The following CYFIP1 variants were observed in gnomAD, a reference collection of about 807,000 sequenced individuals.
The protein encoded by CYFIP1 is cytoplasmic FMR1-interacting protein 1.
A neutral mutation model predicts 163.5 loss-of-function variants in CYFIP1; 58 were observed. The observed-to-expected ratio is 0.35, with a 90% confidence interval of 0.29 to 0.44. The LOEUF (loss-of-function observed/expected upper bound fraction) is 0.44. Ranked by LOEUF, CYFIP1 falls within the 20% of genes least tolerant of loss-of-function variation. The pLI is 1.00. For missense variants in CYFIP1, 1,338 were observed against 1,653.8 expected (o/e 0.81, Z 3.31); for synonymous variants, 663 against 660.7 (o/e 1.00, Z -0.05).
rs1159299086 is a variant in CYFIP1, at chr15:22,917,861, C to T, written c.1601G>A (p.Arg534Gln). ...GCCGCTCTTGGGGTCCTTCTCGCCC[C>T]GCAAGGCTGGGTCATTGAAGGGCTC... ...GHEPFNDPAL[R>Q]GEKDPKSGFD... Residue 534 changes from arginine (R) to glutamine (Q), a missense_variant, in exon 15 of 31, where the codon CGG becomes CAG. By Grantham distance (43) the Arg-to-Gln change is conservative (BLOSUM62 1). Around this residue, in one of 4 missense-constraint regions of CYFIP1, gnomAD observed 824 missense variants for 995.7 expected, o/e 0.83. Coordinates refer to ENST00000617928, the MANE Select transcript of CYFIP1 (RefSeq NM_014608.6). This position sits in a 1 kb window ranked among gnomAD's most constrained non-coding sequence, Gnocchi z 4.2. The T allele has an allele frequency of 3.1e-6, 5 of 1,613,872 alleles. No individual in the cohort carries two copies. Among genetic ancestry groups the T allele is most frequent in the South Asian group, 1.1e-5 (1 of 91,070 alleles).
At chr15:22,924,016 A>ACC (rs2061279528) in intron 13 of CYFIP1, among the ~76,000 whole-genome samples, 1 of 152,006 alleles carries the variant, frequency 6.6e-6, no homozygotes, top group Non-Finnish European at 1.5e-5. Context: ...GGTAGAAATA[A>ACC]CCCAAATGTC....
At position 22,947,180 on chromosome 15, in the gene CYFIP1, GCGAGGA is replaced by G; in HGVS notation, c.100_105del (p.Ser34_Ser35del). 6.2e-7 allele frequency: 1 copy of G among 1,614,108 alleles called. No homozygotes were observed. ...TGCTGGGCACCCACCTGGTAGAGCA[GCGAGGA>G]TGGCGGGGGCTCGATGCAGGGCTGC... On this transcript the variant is annotated inframe_deletion, in exon 2 of 31. Transcript: ENST00000617928.
chr15:22,976,596 A>G (rs2063291329), intron 1 of CYFIP1, among the ~76,000 whole-genome samples: 1 of 152,166 alleles, frequency 6.6e-6, no homozygotes. Flanking sequence ...ATACAAAAAG[A>G]TATTTTGAAA....
chr15:22,883,882 C>G (rs1269351148), intron 23 of CYFIP1, among the ~76,000 whole-genome samples: 1 of 150,758 alleles, frequency 6.6e-6, no homozygotes, highest in African/African-American at 2.4e-5. Flanking sequence ...GGGGAGGCCT[C>G]AGAAAACTTA....
chr15:22,941,588 G>A (rs886712987), intron 6 of CYFIP1, among the ~76,000 whole-genome samples: 2 of 151,994 alleles, frequency 1.3e-5, no homozygotes, highest in African/African-American at 4.8e-5. Flanking sequence ...GTGATGGTCT[G>A]GGAAGGTTAA....
chr15:22,927,877 G>T (rs753475200), intron 12 of CYFIP1, 29 bp downstream of exon 12: 14 of 1,569,366 alleles, frequency 8.9e-6, no homozygotes, highest in Non-Finnish European at 6.9e-6. Context: ...CAGCTTTGGA[G>T]CGGGGCTGGG....
At chr15:22,971,027 G>A (rs2140255589) in intron 1 of CYFIP1, among the ~76,000 whole-genome samples, 1 of 152,144 alleles carries the variant, frequency 6.6e-6, no homozygotes, top group South Asian at 2.1e-4. Flanking sequence ...AGTGAGCCGA[G>A]ATTGCGCCAC....
intron 23 of CYFIP1, among the ~76,000 whole-genome samples, chr15:22,887,612 G>C (rs1286702375): frequency 6.6e-6 from 1 of 152,176 alleles, no homozygotes; most frequent in Non-Finnish European, 1.5e-5. Context: ...CATGGTCCCA[G>C]GCCTCTGGCC....
At chr15:22,969,133 T>A (rs940484956) in intron 1 of CYFIP1, among the ~76,000 whole-genome samples, 1 of 152,106 alleles carries the variant, frequency 6.6e-6, no homozygotes, top group Non-Finnish European at 1.5e-5. Flanking sequence ...GTTTTGGGCT[T>A]TTTTCCCCCT....
intron 1 of CYFIP1, among the ~76,000 whole-genome samples, chr15:22,972,568 C>A (rs1370943385): frequency 6.6e-6 from 1 of 152,176 alleles, no homozygotes; most frequent in African/African-American, 2.4e-5. Flanking sequence ...TTGCAGCCAA[C>A]TGATTTTTAA....
At chr15:22,972,351 C>T (rs1316295375) in intron 1 of CYFIP1, among the ~76,000 whole-genome samples, 3 of 152,076 alleles carry the variant, frequency 2.0e-5, no homozygotes, top group Non-Finnish European at 2.9e-5. Flanking sequence ...GCAGGAGAAT[C>T]GCTTGAACCC....
chr15:22,903,217 G>C (rs2060456001), intron 22 of CYFIP1, among the ~76,000 whole-genome samples: 1 of 152,134 alleles, frequency 6.6e-6, no homozygotes, highest in African/African-American at 2.4e-5. Context: ...AGTGAGCAGA[G>C]AAGGAACCTC....
At chr15:22,870,680 G>A (rs915289969) in intron 30 of CYFIP1, among the ~76,000 whole-genome samples, 45 of 152,078 alleles carry the variant, frequency 3.0e-4, no homozygotes, top group African/African-American at 1.1e-3. Context: ...TCCCTCTGTT[G>A]GCTTCATGCT....
chr15:22,875,513 A>G (rs916836800), intron 26 of CYFIP1: 4 of 489,308 alleles, frequency 8.2e-6, no homozygotes, highest in African/African-American at 5.8e-5. Context: ...GAGGAACTGA[A>G]TTTTATTTTT....
At chr15:22,949,158 C>T (rs141871933) in intron 1 of CYFIP1, among the ~76,000 whole-genome samples, 24 of 152,314 alleles carry the variant, frequency 1.6e-4, no homozygotes, top group Non-Finnish European at 3.2e-4. Context: ...GAAAACAGAT[C>T]TTGAAAACAG....
intron 1 of CYFIP1, among the ~76,000 whole-genome samples, chr15:22,979,448 G>A (rs901225775): frequency 6.9e-6 from 1 of 145,370 alleles, no homozygotes; most frequent in African/African-American, 2.7e-5. Context: ...GCCCTCCGCC[G>A]CCAGAAAACA....
intron 8 of CYFIP1, among the ~76,000 whole-genome samples, chr15:22,938,062 G>A (rs1014385112): frequency 8.5e-5 from 13 of 152,164 alleles, no homozygotes; most frequent in Non-Finnish European, 1.9e-4. Context: ...AGGAGTCTGG[G>A]GGCTGGGCTG....
At chr15:22,979,092 G>A (rs550686166) in intron 1 of CYFIP1, among the ~76,000 whole-genome samples, 4 of 152,284 alleles carry the variant, frequency 2.6e-5, no homozygotes, top group Admixed American at 1.3e-4. Context: ...CCTCCGCCAC[G>A]ACTCCAGGGC....
At chr15:22,918,663 A>G in intron 14 of CYFIP1, 29 bp downstream of exon 14, 2 of 1,534,436 alleles carry the variant, frequency 1.3e-6, no homozygotes, top group African/African-American at 1.4e-5. Flanking sequence ...GTGTGGGCAC[A>G]GCGGGCACAG....
Sources: gnomAD v4.1 joint callset for allele counts (sites outside exome capture counted in the v4.1 genomes callset) on GRCh38, gnomAD v4.1.1 for gene constraint, gnomAD v4.1.1 regional missense constraint, Gnocchi (gnomAD v3.1) non-coding constraint, MANE v1.5 for transcripts, NCBI Gene and HGNC (gene_info 2026-07-23, HGNC 2026-07-21) for gene names.